Variants in GRM7 observed in about 807,000 individuals in gnomAD.
GRM7 encodes the protein metabotropic glutamate receptor 7.
In GRM7, 35 loss-of-function variants were observed where a neutral mutation model predicts 84.5. That is an observed-to-expected ratio of 0.41 (90% CI 0.32 to 0.55). The LOEUF is 0.55. GRM7 is among the 20% of genes least tolerant of loss of function. The pLI, the probability that GRM7 is intolerant of heterozygous loss-of-function variation, is 0.19. For synonymous variants in GRM7, 487 were observed against 455.1 expected, an observed-to-expected ratio of 1.07 and a Z score of -0.89; for missense variants, 1,003 against 1,194.6, an observed-to-expected ratio of 0.84 and a Z score of 2.36.
rs749590446 is a variant in GRM7, at chr3:7,467,378, C to T, written c.1515+5656C>T. Among the ~76,000 whole-genome samples the T allele has an allele frequency of 5.3e-5, 8 of 152,318 alleles. No homozygotes were observed. The South Asian group carries it at 6.2e-4, about 12-fold the overall frequency. ...CTGGGATTACAGGCGTGAGCCACCA[C>T]GCCGGGCGCCAAGTTTTCCTTTTTA... On this transcript the variant is annotated intron_variant, in intron 7 of 9. Coordinates refer to ENST00000357716, the MANE Select transcript of GRM7 (RefSeq NM_000844.4).
At chr3:7,708,284 T>C (rs1575656852) in intron 9 of GRM7, among the ~76,000 whole-genome samples, 1 of 152,074 alleles carries the variant, frequency 6.6e-6, no homozygotes, top group East Asian at 1.9e-4. Context: ...CTTAAAAATA[T>C]GAGTTGATGT....
intron 1 of GRM7, among the ~76,000 whole-genome samples, chr3:6,946,689 T>G (rs1407336895): frequency 2.0e-5 from 3 of 152,206 alleles, no homozygotes; most frequent in Non-Finnish European, 4.4e-5. Context: ...TTCCTACCCA[T>G]GAGCATGGAA....
chr3:7,359,862 G>A (rs1015735770), intron 4 of GRM7, among the ~76,000 whole-genome samples: 1 of 148,110 alleles, frequency 6.8e-6, no homozygotes, highest in Non-Finnish European at 1.5e-5. Context: ...TCTCATTATC[G>A]GTCATTTCAT....
At chr3:7,274,275 T>C (rs1009076841) in intron 2 of GRM7, among the ~76,000 whole-genome samples, 7 of 152,072 alleles carry the variant, frequency 4.6e-5, no homozygotes, top group Non-Finnish European at 7.4e-5. Flanking sequence ...TTTTGAACTG[T>C]CATCTGTTAG....
At chr3:6,910,493 T>C (rs1170615327) in intron 1 of GRM7, among the ~76,000 whole-genome samples, 1 of 152,148 alleles carries the variant, frequency 6.6e-6, no homozygotes, top group African/African-American at 2.4e-5. Context: ...CAAGGTTTCC[T>C]GGCCAAGTCT....
At chr3:7,052,320 G>A (rs1403383405) in intron 1 of GRM7, among the ~76,000 whole-genome samples, 1 of 151,662 alleles carries the variant, frequency 6.6e-6, no homozygotes, top group Non-Finnish European at 1.5e-5. Context: ...TGAACTCCTT[G>A]AGAATTGCCC....
chr3:7,406,491 C>T (rs1313338292), intron 4 of GRM7, among the ~76,000 whole-genome samples: 2 of 151,412 alleles, frequency 1.3e-5, no homozygotes, highest in Admixed American at 6.6e-5. Context: ...CAGAGCAAGA[C>T]TCTGTCTCAA....
chr3:7,262,527 C>T (rs1256572255), intron 2 of GRM7, among the ~76,000 whole-genome samples: 1 of 152,154 alleles, frequency 6.6e-6, no homozygotes, highest in African/African-American at 2.4e-5. Context: ...CTTAGCTCCC[C>T]TGGATTGAGT....
At chr3:7,626,150 CA>C (rs1440772822) in intron 8 of GRM7, among the ~76,000 whole-genome samples, 1 of 152,128 alleles carries the variant, frequency 6.6e-6, no homozygotes, top group Non-Finnish European at 1.5e-5. Context: ...TTCCTGCAGG[CA>C]GCACTTCCTA....
intron 9 of GRM7, among the ~76,000 whole-genome samples, chr3:7,728,447 G>A (rs1359210580): frequency 6.6e-6 from 1 of 152,134 alleles, no homozygotes; most frequent in Non-Finnish European, 1.5e-5. Flanking sequence ...AAGGTAAGAG[G>A]CCAGAATTAT....
At chr3:7,240,103 A>G (rs1011848609) in intron 2 of GRM7, among the ~76,000 whole-genome samples, 2 of 128,860 alleles carry the variant, frequency 1.6e-5, no homozygotes, top group South Asian at 2.7e-4. Flanking sequence ...AGTACCAGTA[A>G]TCTTTTAGCA....
chr3:6,867,489 G>C (rs1188770295), intron 1 of GRM7, among the ~76,000 whole-genome samples: 1 of 151,968 alleles, frequency 6.6e-6, no homozygotes, highest in Non-Finnish European at 1.5e-5. Context: ...AACCACACTT[G>C]GTTCCTTTCA....
intron 7 of GRM7, among the ~76,000 whole-genome samples, chr3:7,504,463 AC>A (rs1357952477): frequency 1.3e-5 from 2 of 152,202 alleles, no homozygotes; most frequent in African/African-American, 2.4e-5. Context: ...ATAAAAGAAT[AC>A]CACAGACCGA....
chr3:7,041,498 A>T (rs567285650), intron 1 of GRM7, among the ~76,000 whole-genome samples: 1 of 152,246 alleles, frequency 6.6e-6, no homozygotes, highest in African/African-American at 2.4e-5. Flanking sequence ...TTGTATGAAC[A>T]TACCACAATT....
At chr3:6,965,644 A>T (rs1693485837) in intron 1 of GRM7, among the ~76,000 whole-genome samples, 1 of 151,974 alleles carries the variant, frequency 6.6e-6, no homozygotes, top group Non-Finnish European at 1.5e-5. Flanking sequence ...CTCTCCTTTC[A>T]TCTTATTGGC....
intron 2 of GRM7, among the ~76,000 whole-genome samples, chr3:7,228,537 G>GA (rs1415467851): frequency 6.6e-6 from 1 of 152,180 alleles, no homozygotes; most frequent in African/African-American, 2.4e-5. Context: ...TTGTTTGAAT[G>GA]AAAAACCACA....
chr3:7,269,449 C>G (rs959768988), intron 2 of GRM7, among the ~76,000 whole-genome samples: 2 of 152,262 alleles, frequency 1.3e-5, no homozygotes, highest in South Asian at 2.1e-4. Context: ...CCTGAACCCC[C>G]CCCCCAGAGA....
intron 1 of GRM7, among the ~76,000 whole-genome samples, chr3:6,971,353 G>A (rs1429907874): frequency 2.0e-5 from 3 of 152,082 alleles, no homozygotes; most frequent in Non-Finnish European, 4.4e-5. Context: ...AATGTTGCAA[G>A]TACAGTCCGA....
In GRM7 at chr3:7,320,485, C is replaced by T. The variant is rs115511253; in HGVS notation, c.1033+13833C>T. On this transcript the variant is annotated intron_variant, in intron 4 of 9. Coordinates refer to ENST00000357716, the MANE Select transcript of GRM7 (RefSeq NM_000844.4). ...GTTTGTTCAGACTCTTCTCTCTATCCCTGTCTTTGGAGATAAGGGCAGTTG... is the reference window on the plus strand; with the variant it reads ...GTTTGTTCAGACTCTTCTCTCTATCTCTGTCTTTGGAGATAAGGGCAGTTG... Among the ~76,000 whole-genome samples, 1,071 of 151,978 alleles carry T rather than the reference C, an allele frequency of 7.0e-3. 22 individuals are homozygous for T. The highest frequency in any genetic ancestry group is 0.022 in the African/African-American group (930 of 41,462).
Sources: allele counts gnomAD v4.1 joint callset (sites outside exome capture counted in the v4.1 genomes callset), GRCh38; gene constraint gnomAD v4.1.1; transcripts MANE v1.5; gene names NCBI Gene and HGNC (gene_info 2026-07-23, HGNC 2026-07-21).